The following NTM variants were observed in gnomAD, a reference collection of about 807,000 sequenced individuals.
The protein encoded by NTM is neurotrimin.
In NTM, 13 loss-of-function variants were observed where a neutral mutation model predicts 42.1. The ratio of observed to expected loss-of-function variants is 0.31; its 90% CI spans 0.20 to 0.49. The LOEUF (loss-of-function observed/expected upper bound fraction) is 0.49, where lower values mean the gene tolerates loss of function less well. Ranked by LOEUF, NTM falls within the 20% of genes least tolerant of loss-of-function variation. NTM has a pLI of 0.99. For synonymous variants in NTM, 187 were observed against 179.2 expected (o/e 1.04, Z -0.35); for missense variants, 373 against 452.8 (o/e 0.82, Z 1.60).
At chr11:132,107,657 A>C (rs1205000485) in intron 2 of NTM, among the ~76,000 whole-genome samples, 1 of 152,126 alleles carries the variant, frequency 6.6e-6, no homozygotes, top group African/African-American at 2.4e-5. Context: ...GACATGAGCC[A>C]CTGTGCCTGA....
At chr11:131,547,928 T>TTAC (rs2054156801) in intron 1 of NTM, among the ~76,000 whole-genome samples, 1 of 152,148 alleles carries the variant, frequency 6.6e-6, no homozygotes, top group African/African-American at 2.4e-5. Context: ...GATTAGCCAA[T>TTAC]GCCTAGGAGG....
chr11:131,785,041 T>C (rs1307050337), intron 1 of NTM, among the ~76,000 whole-genome samples: 2 of 152,216 alleles, frequency 1.3e-5, no homozygotes, highest in East Asian at 3.9e-4. Flanking sequence ...TGCGTGTGTG[T>C]GTCTGTGTGG....
intron 3 of NTM, among the ~76,000 whole-genome samples, chr11:132,181,183 T>G (rs1592061690): frequency 6.6e-6 from 1 of 152,312 alleles, no homozygotes; most frequent in Non-Finnish European, 1.5e-5. Context: ...CCCTCTTGAC[T>G]TTCACCCAAC....
chr11:131,522,949 G>A (rs1293204099), intron 1 of NTM, among the ~76,000 whole-genome samples: 1 of 152,204 alleles, frequency 6.6e-6, no homozygotes, highest in Non-Finnish European at 1.5e-5. Context: ...CTCTGCTGGT[G>A]ATTTTAATAT....
At chr11:131,885,504 G>A (rs376973434) in intron 1 of NTM, among the ~76,000 whole-genome samples, 13 of 152,152 alleles carry the variant, frequency 8.5e-5, no homozygotes, top group East Asian at 5.8e-4. Context: ...TGAAAATCCC[G>A]ATGCACAGGC....
chr11:132,038,550 C>T (rs1030773787), intron 2 of NTM, among the ~76,000 whole-genome samples: 7 of 152,164 alleles, frequency 4.6e-5, no homozygotes, highest in Non-Finnish European at 1.0e-4. Flanking sequence ...GGAGTTTCCT[C>T]CTGGGGCTGT....
chr11:131,747,385 G>C (rs1302705134), intron 1 of NTM, among the ~76,000 whole-genome samples: 2 of 152,108 alleles, frequency 1.3e-5, no homozygotes, highest in African/African-American at 4.8e-5. Flanking sequence ...ACACATATCT[G>C]TGCCTTTGGG....
Position 131,589,167 on chromosome 11 carries a change from A to ATGTGTGTG in NTM, c.82+218307_82+218314dup, listed in dbSNP as rs58237274. Among the ~76,000 whole-genome samples the ATGTGTGTG allele has an allele frequency of 4.1e-3, 591 of 143,592 alleles. 3 individuals are homozygous for ATGTGTGTG. Among genetic ancestry groups the ATGTGTGTG allele is most frequent in the African/African-American group, 0.01 (400 of 38,282 alleles). The allele number at this position is 143,592 out of a possible 152,430, so 94.2% of individuals were successfully genotyped here. A position where few individuals can be genotyped will look rare whatever the true frequency, so the allele number is the denominator to read the frequency against. The stretch of plus-strand genomic sequence containing the variant: ...ACCATGCCACTCTTAACCTGGAAAA[A>ATGTGTGTG]TGTGTGTGTGTGTGTGTGTGTGTGT... On this transcript the variant is annotated intron_variant, in intron 1 of 8. Coordinates refer to ENST00000683400, the MANE Select transcript of NTM (RefSeq NM_001352005.2).
intron 1 of NTM, among the ~76,000 whole-genome samples, chr11:131,501,496 A>T (rs2046826139): frequency 6.6e-6 from 1 of 152,154 alleles, no homozygotes. Flanking sequence ...TGATGCTTAG[A>T]GACCTCAGGC....
intron 3 of NTM, among the ~76,000 whole-genome samples, chr11:132,163,456 C>T (rs1174604643): frequency 6.6e-6 from 1 of 152,168 alleles, no homozygotes; most frequent in East Asian, 1.9e-4. Flanking sequence ...ATGTGGCAGC[C>T]AAGAACTAGA....
At chr11:131,805,059 A>C in intron 1 of NTM, among the ~76,000 whole-genome samples, 1 of 152,200 alleles carries the variant, frequency 6.6e-6, no homozygotes, top group East Asian at 1.9e-4. Context: ...TTTATAAATT[A>C]ATCACTCTCA....
At chr11:132,280,981 T>G (rs572943271) in intron 4 of NTM, among the ~76,000 whole-genome samples, 1 of 152,354 alleles carries the variant, frequency 6.6e-6, no homozygotes, top group East Asian at 1.9e-4. Flanking sequence ...CTCTCACTAT[T>G]AGCAGCTTTG....
rs367927266 is a variant in NTM at position 132,213,166 on chromosome 11, G to A, written c.526+1019G>A. On this transcript the variant is annotated intron_variant, in intron 4 of 8. Coordinates refer to ENST00000683400, the MANE Select transcript of NTM (RefSeq NM_001352005.2). Reference sequence around the variant, plus strand: ...TATGTGATTATGTATGTATATATGTGCCGGTGTGCACAGATGGATGAAGGT... The same window carrying A: ...TATGTGATTATGTATGTATATATGTACCGGTGTGCACAGATGGATGAAGGT... 7.2e-5 allele frequency among the ~76,000 whole-genome samples: 11 copies of A among 152,268 alleles called. No individual in the cohort carries two copies. In the East Asian group the frequency reaches 1.9e-3, roughly 27 times the overall value.
At chr11:131,983,785 GGA>G (rs2065643018) in intron 2 of NTM, among the ~76,000 whole-genome samples, 1 of 152,186 alleles carries the variant, frequency 6.6e-6, no homozygotes, top group Non-Finnish European at 1.5e-5. Flanking sequence ...TTGTTGTTGA[GGA>G]GAGAGGCTCT....
At chr11:131,525,302 C>T (rs2050317449) in intron 1 of NTM, among the ~76,000 whole-genome samples, 1 of 152,184 alleles carries the variant, frequency 6.6e-6, no homozygotes, top group African/African-American at 2.4e-5. Flanking sequence ...AGGGCATTGG[C>T]AATGCTTATA....
At chr11:131,617,790 A>G (rs962248785) in intron 1 of NTM, among the ~76,000 whole-genome samples, 3 of 152,122 alleles carry the variant, frequency 2.0e-5, no homozygotes, top group Non-Finnish European at 2.9e-5. Flanking sequence ...TTTGTTTTTG[A>G]GGCTGAAGCA....
At position 131,412,488 on chromosome 11, in the gene NTM, C is replaced by T. The variant is rs1197658738; in HGVS notation, c.82+41600C>T. Among the ~76,000 whole-genome samples, 5 of 152,216 alleles carry T rather than the reference C, an allele frequency of 3.3e-5. No homozygotes were observed. The South Asian group carries it at 8.3e-4, about 25-fold the overall frequency. ...TTATATTCACCTGCATAATCTCTAT[C>T]ACTTCAATTTCTACATATTCTAGAA... On this transcript the variant is annotated intron_variant, in intron 1 of 8. Coordinates refer to ENST00000683400, the MANE Select transcript of NTM (RefSeq NM_001352005.2).
chr11:131,718,913 T>A (rs1477873345), intron 1 of NTM, among the ~76,000 whole-genome samples: 1 of 152,174 alleles, frequency 6.6e-6, no homozygotes, highest in African/African-American at 2.4e-5. Context: ...CATTGCCTGG[T>A]ATCAGTGTCT....
chr11:131,614,948 C>T (rs543592061), intron 1 of NTM, among the ~76,000 whole-genome samples: 1 of 152,160 alleles, frequency 6.6e-6, no homozygotes, highest in African/African-American at 2.4e-5. Context: ...CAAGCTCATG[C>T]CCCCTCCATT....
Sources: allele counts gnomAD v4.1 joint callset (sites outside exome capture counted in the v4.1 genomes callset), GRCh38; gene constraint gnomAD v4.1.1; transcripts MANE v1.5; gene names NCBI Gene and HGNC (gene_info 2026-07-23, HGNC 2026-07-21).